AP3D1: variants seen among roughly 807,000 people sequenced by gnomAD.
The protein encoded by AP3D1 is adaptor related protein complex 3 subunit delta 1, also known as AP-3 complex subunit delta-1.
AP3D1 carries 51 observed loss-of-function variants against 147.6 expected under a neutral mutation model. The ratio of observed to expected loss-of-function variants is 0.35; its 90% CI spans 0.28 to 0.44. The LOEUF is 0.44. Ranked by LOEUF, AP3D1 falls within the 20% of genes least tolerant of loss-of-function variation. The pLI is 1.00. For missense variants in AP3D1, 1,421 were observed against 1,624.2 expected, an observed-to-expected ratio of 0.87 and a Z score of 2.15; for synonymous variants, 760 against 663.0, an observed-to-expected ratio of 1.15 and a Z score of -2.25.
intron 1 of AP3D1, among the ~76,000 whole-genome samples, chr19:2,145,082 G>A (rs913010736): frequency 7.2e-5 from 11 of 152,182 alleles, no homozygotes; most frequent in African/African-American, 2.2e-4. Flanking sequence ...GGCAGATTTT[G>A]TGGCATGTAA....
Position 2,104,225 on chromosome 19 carries a change from C to T in AP3D1, c.3553-1957G>A, listed in dbSNP as rs569932413. ...AGACACCAACACTGAGACTCCAACA[C>T]CGAGATGCCGAAACCCAGACCCCAA... On this transcript the variant is annotated intron_variant, in intron 31 of 31. Transcript: ENST00000643116. 4.6e-5 allele frequency among the ~76,000 whole-genome samples: 7 copies of T among 151,448 alleles called. No homozygotes were observed. In the East Asian group the frequency reaches 9.7e-4, roughly 21 times the overall value.
chr19:2,133,673 TTTGTA>T (rs2019006623), intron 4 of AP3D1, among the ~76,000 whole-genome samples: 1 of 152,076 alleles, frequency 6.6e-6, no homozygotes, highest in Non-Finnish European at 1.5e-5. Context: ...CTGGCTAATT[TTTGTA>T]TTTTTAGTAC....
At chr19:2,108,991 G>A in intron 30 of AP3D1, 95 bp downstream of exon 30, 1 of 1,560,226 alleles carries the variant, frequency 6.4e-7, no homozygotes, top group Non-Finnish European at 8.7e-7. Context: ...GTGTGAGTTT[G>A]GGTGGGAGGG....
At chr19:2,135,301 C>T (rs997920574) in intron 4 of AP3D1, among the ~76,000 whole-genome samples, 7 of 151,590 alleles carry the variant, frequency 4.6e-5, no homozygotes, top group Non-Finnish European at 7.4e-5. Context: ...TTTGGGAAGC[C>T]AAGGCGGGCA....
In AP3D1 at chr19:2,101,105, C is replaced by G. The variant is rs944342858; in HGVS notation, c.*1068G>C. ...ATAGCAAATAAATTCTTATGTAACA[C>G]ATCATACAATTTCAAATCCTGGAAT... On this transcript the variant is annotated 3_prime_UTR_variant, in exon 32 of 32. Transcript: ENST00000643116. 1.3e-5 allele frequency: 2 copies of G among 152,624 alleles called. No individual in the cohort carries two copies. Among genetic ancestry groups the G allele is most frequent in the Non-Finnish European group, 2.9e-5 (2 of 68,050 alleles). 9.5% of individuals were successfully genotyped at this position (152,624 alleles called of 1,614,324 possible).
At chr19:2,112,576 G>A (rs1443527319) in intron 24 of AP3D1, 1 of 339,412 alleles carries the variant, frequency 2.9e-6, no homozygotes, top group African/African-American at 2.1e-5. Flanking sequence ...TCTGGAACTA[G>A]ACAGAGGTGA....
chr19:2,140,949 G>T (rs2019204728), intron 1 of AP3D1, among the ~76,000 whole-genome samples: 1 of 151,880 alleles, frequency 6.6e-6, no homozygotes, highest in Non-Finnish European at 1.5e-5. Context: ...GGTAGAGACG[G>T]GGTTTCGCCA....
chr19:2,150,005 G>C (rs2019462756), intron 1 of AP3D1, among the ~76,000 whole-genome samples: 1 of 152,240 alleles, frequency 6.6e-6, no homozygotes, highest in African/African-American at 2.4e-5. Context: ...GAGGCCGAAG[G>C]GAAGTGGGGT....
At chr19:2,158,217 G>A (rs1437410705) in intron 1 of AP3D1, among the ~76,000 whole-genome samples, 3 of 151,946 alleles carry the variant, frequency 2.0e-5, no homozygotes, top group East Asian at 1.9e-4. Flanking sequence ...CACCACGCCC[G>A]GCTAATTTTT....
At chr19:2,127,297 C>T in intron 8 of AP3D1, 96 bp from the exon 9 acceptor site, 2 of 1,363,150 alleles carry the variant, frequency 1.5e-6, no homozygotes, top group East Asian at 4.7e-5. Flanking sequence ...CGGCCTCCGC[C>T]CCACGGCTCA....
At chr19:2,163,379 A>G (rs1796355984) in intron 1 of AP3D1, among the ~76,000 whole-genome samples, 1 of 150,918 alleles carries the variant, frequency 6.6e-6, no homozygotes, top group South Asian at 2.1e-4. Context: ...TGGCCGTGAG[A>G]GGGGGTTTCT....
chr19:2,115,490 C>T, intron 19 of AP3D1, 48 bp downstream of exon 19: 1 of 1,610,646 alleles, frequency 6.2e-7, no homozygotes, highest in Non-Finnish European at 8.5e-7. Context: ...CGGGAGCACC[C>T]CACAGCCCAT....
At chr19:2,122,713 G>A (rs1262830812) in intron 11 of AP3D1, among the ~76,000 whole-genome samples, 1 of 152,198 alleles carries the variant, frequency 6.6e-6, no homozygotes, top group East Asian at 1.9e-4. Context: ...CCGACTGTGG[G>A]GTGCTTGCCT....
chr19:2,150,447 C>A (rs190583958), intron 1 of AP3D1, among the ~76,000 whole-genome samples: 1 of 152,224 alleles, frequency 6.6e-6, no homozygotes, highest in Non-Finnish European at 1.5e-5. Flanking sequence ...ACGATCCCCA[C>A]GGTTGTAATT....
chr19:2,164,414 C>A, exon 1 of AP3D1: 1 of 497,284 alleles, frequency 2.0e-6, no homozygotes, highest in Admixed American at 4.7e-5. Flanking sequence ...ACCCCCGTTG[C>A]TTCCCGGCCG....
chr19:2,148,765 C>A (rs904940423), intron 1 of AP3D1, among the ~76,000 whole-genome samples: 7 of 152,242 alleles, frequency 4.6e-5, no homozygotes, highest in African/African-American at 1.7e-4. Context: ...TCTACTCCAT[C>A]GCACTGCCTT....
intron 1 of AP3D1, among the ~76,000 whole-genome samples, chr19:2,163,766 G>T (rs1168500547): frequency 1.3e-5 from 2 of 151,538 alleles, no homozygotes; most frequent in South Asian, 2.1e-4. Context: ...ACGTGCGTGC[G>T]TACGTTCGTG....
At chr19:2,155,250 C>T (rs955177575), upstream of AP3D1, among the ~76,000 whole-genome samples, 6 of 151,858 alleles carry the variant, frequency 4.0e-5, no homozygotes, top group Admixed American at 2.6e-4. Context: ...GTCCCATCTA[C>T]TCAGGGAGGC....
chr19:2,130,153 G>A (rs1255053509), intron 6 of AP3D1, among the ~76,000 whole-genome samples: 1 of 152,180 alleles, frequency 6.6e-6, no homozygotes, highest in African/African-American at 2.4e-5. Flanking sequence ...GGGCTGGCGG[G>A]GGTGGGTACA....
Sources: gnomAD v4.1 joint callset for allele counts (sites outside exome capture counted in the v4.1 genomes callset) on GRCh38, gnomAD v4.1.1 for gene constraint, MANE v1.5 for transcripts, NCBI Gene and HGNC (gene_info 2026-07-23, HGNC 2026-07-21) for gene names.